The following IGBP1C variants were observed in gnomAD, a reference collection of about 807,000 sequenced individuals.
The protein encoded by IGBP1C is immunoglobulin-binding protein 1 family member C.
chr17:58,665,811 C>G, the IGBP1C span, among the ~76,000 whole-genome samples: 1 of 151,562 alleles, frequency 6.6e-6, no homozygotes, highest in Non-Finnish European at 1.5e-5. Flanking sequence ...TTTGGGAGGC[C>G]GAGGAGGGTG....
At chr17:58,674,616 G>A in the IGBP1C span, among the ~76,000 whole-genome samples, 1 of 152,038 alleles carries the variant, frequency 6.6e-6, no homozygotes, top group South Asian at 2.1e-4. Context: ...GTTGCAGTGA[G>A]CCGAGATCCT....
chr17:58,664,154 T>A, the IGBP1C span, among the ~76,000 whole-genome samples: 2 of 152,256 alleles, frequency 1.3e-5, no homozygotes, highest in African/African-American at 4.8e-5. Flanking sequence ...CCAGCCCACC[T>A]CGGTTATACT....
At chr17:58,681,678 T>C in the IGBP1C span, among the ~76,000 whole-genome samples, 1 of 151,882 alleles carries the variant, frequency 6.6e-6, no homozygotes, top group Non-Finnish European at 1.5e-5. Context: ...GGTGAAACCT[T>C]GTCTCTACTA....
chr17:58,668,573 A>G, the IGBP1C span, among the ~76,000 whole-genome samples: 4 of 152,234 alleles, frequency 2.6e-5, no homozygotes, highest in African/African-American at 9.6e-5. Flanking sequence ...ACAATTCTAC[A>G]GAGTACACAA....
chr17:58,669,471 G>A, the IGBP1C span, among the ~76,000 whole-genome samples: 3 of 152,014 alleles, frequency 2.0e-5, no homozygotes, highest in East Asian at 1.9e-4. Flanking sequence ...GGTGGCTCAC[G>A]CCTGTAATCC....
At chr17:58,679,591 G>GA in the IGBP1C span, 5 of 152,226 alleles carry the variant, frequency 3.3e-5, no homozygotes, top group African/African-American at 1.2e-4. Context: ...CACATTTGTA[G>GA]AAAACCACAG....
the IGBP1C span, among the ~76,000 whole-genome samples, chr17:58,688,876 T>C: frequency 6.6e-6 from 1 of 152,180 alleles, no homozygotes; most frequent in East Asian, 1.9e-4. Flanking sequence ...CATACTTTTC[T>C]CTTAAATTTT....
chr17:58,688,638 G>A, the IGBP1C span, among the ~76,000 whole-genome samples: 1 of 152,148 alleles, frequency 6.6e-6, no homozygotes, highest in Non-Finnish European at 1.5e-5. Context: ...ACTTGCAGGT[G>A]AGGAGACTGA....
the IGBP1C span, among the ~76,000 whole-genome samples, chr17:58,681,836 CTT>C: frequency 2.6e-5 from 4 of 151,592 alleles, no homozygotes; most frequent in African/African-American, 7.3e-5. Context: ...GCAGGAAACT[CTT>C]GTCTCAAACA....
chr17:58,674,547 G>A, the IGBP1C span, among the ~76,000 whole-genome samples: 53 of 148,866 alleles, frequency 3.6e-4, 1 homozygote, highest in South Asian at 0.01. Context: ...GCTCAGGCCT[G>A]TAATCCCAGC....
chr17:58,665,481 C>T, the IGBP1C span, among the ~76,000 whole-genome samples: 1 of 151,912 alleles, frequency 6.6e-6, no homozygotes, highest in Admixed American at 6.6e-5. Flanking sequence ...GGCTGTAGTC[C>T]AGCTACTCTG....
the IGBP1C span, chr17:58,679,531 G>A: frequency 6.6e-6 from 1 of 152,138 alleles, no homozygotes; most frequent in Non-Finnish European, 1.5e-5. Context: ...CAGATCAGGG[G>A]AGAGAACCAA....
At chr17:58,671,888 C>A in the IGBP1C span, among the ~76,000 whole-genome samples, 18 of 152,096 alleles carry the variant, frequency 1.2e-4, no homozygotes, top group Admixed American at 5.3e-4. Context: ...ACTCACTAGG[C>A]CCCTAGCCCC....
At chr17:58,661,296 C>G in the IGBP1C span, 1 of 814,980 alleles carries the variant, frequency 1.2e-6, no homozygotes. Flanking sequence ...TGCAAATGAT[C>G]TAGACGCTTA....
At chr17:58,667,714 G>A in the IGBP1C span, among the ~76,000 whole-genome samples, 2 of 151,966 alleles carry the variant, frequency 1.3e-5, no homozygotes, top group Admixed American at 6.6e-5. Flanking sequence ...GTGAAACCCT[G>A]TCTCTACTAA....
the IGBP1C span, among the ~76,000 whole-genome samples, chr17:58,680,546 A>G: frequency 6.6e-6 from 1 of 152,172 alleles, no homozygotes. Flanking sequence ...ATTCGAGACC[A>G]GCCTGGCCAA....
At chr17:58,666,372 A>C in the IGBP1C span, among the ~76,000 whole-genome samples, 1 of 150,222 alleles carries the variant, frequency 6.7e-6, no homozygotes, top group Admixed American at 6.8e-5. Context: ...GGCAAAACCT[A>C]AAACAACCAA....
the IGBP1C span, among the ~76,000 whole-genome samples, chr17:58,671,917 G>A: frequency 1.6e-4 from 25 of 152,102 alleles, 1 homozygote; most frequent in East Asian, 4.8e-3. Context: ...CCTACTTCAT[G>A]CTGCAGCACA....
the IGBP1C span, among the ~76,000 whole-genome samples, chr17:58,676,625 T>C: frequency 6.6e-6 from 1 of 152,104 alleles, no homozygotes; most frequent in Non-Finnish European, 1.5e-5. Context: ...AAGGTGATCA[T>C]TCAAAGTAGT....
Sources: allele counts gnomAD v4.1 joint callset (sites outside exome capture counted in the v4.1 genomes callset), GRCh38; gene constraint gnomAD v4.1.1; transcripts MANE v1.5; gene names NCBI Gene and HGNC (gene_info 2026-07-23, HGNC 2026-07-21).